CSF2RA: variants seen among roughly 807,000 people sequenced by gnomAD.
The protein encoded by CSF2RA is granulocyte-macrophage colony-stimulating factor receptor subunit alpha.
In CSF2RA, 42 loss-of-function variants were observed where a neutral mutation model predicts 51.6. The observed-to-expected ratio is 0.81, with a 90% CI of 0.64 to 1.05. CSF2RA has a LOEUF of 1.05. Among genes scored for constraint, CSF2RA ranks in the 50% least tolerant of loss-of-function variants. The pLI is 0.00. For synonymous variants in CSF2RA, 222 were observed against 193.0 expected (o/e 1.15, Z -1.24); for missense variants, 530 against 501.1 (o/e 1.06, Z -0.55).
Position 1,309,827 on chromosome X carries a change from G to A in CSF2RA, c.*348G>A. 2 of 609,156 alleles carry A rather than the reference G, an allele frequency of 3.3e-6. No individual in the cohort carries two copies. Among genetic ancestry groups the A allele is most frequent in the South Asian group, 2.0e-5 (1 of 50,820 alleles). 37.7% of individuals were successfully genotyped at this position (609,156 alleles called of 1,614,324 possible). A position where few individuals can be genotyped will look rare whatever the true frequency, so the allele number is the denominator to read the frequency against. On this transcript the variant is annotated 3_prime_UTR_variant, in exon 13 of 13. Transcript: ENST00000381529. The stretch of plus-strand genomic sequence containing the variant: ...TGCTTGAACCCGTGAGGCGGAGGTT[G>A]TAGTGAGCCAAGATCGCACCATTGC...
intron 8 of CSF2RA, among the ~76,000 whole-genome samples, chrX:1,294,716 G>T (rs1321841342): frequency 6.6e-6 from 1 of 151,996 alleles, no homozygotes; most frequent in Non-Finnish European, 1.5e-5. Context: ...AGTGGACCGG[G>T]AGGTGTGGGG....
At chrX:1,323,684 G>A in the CSF2RA span, among the ~76,000 whole-genome samples, 1 of 151,960 alleles carries the variant, frequency 6.6e-6, no homozygotes, top group Admixed American at 6.6e-5. Flanking sequence ...AGCAGTTTGA[G>A]GCTAGCCTGG....
intron 9 of CSF2RA, 104 bp downstream of exon 9, chrX:1,295,560 CAGT>C: frequency 2.3e-6 from 2 of 853,848 alleles, no homozygotes; most frequent in Non-Finnish European, 3.8e-6. Context: ...ATGACCCCTA[CAGT>C]CCCCTACCGA....
intron 9 of CSF2RA, among the ~76,000 whole-genome samples, chrX:1,299,392 TAA>T (rs1379598407): frequency 6.6e-6 from 1 of 152,212 alleles, no homozygotes; most frequent in African/African-American, 2.4e-5. Context: ...GAAGGTCTGT[TAA>T]TATCAGTTGT....
chrX:1,275,824 T>C (rs1465283721), intron 2 of CSF2RA, among the ~76,000 whole-genome samples: 2 of 151,440 alleles, frequency 1.3e-5, no homozygotes, highest in Non-Finnish European at 2.9e-5. Context: ...TCCCAAAGTG[T>C]TGGGATTACA....
chrX:1,314,257 C>T (rs1483070047), downstream of CSF2RA, among the ~76,000 whole-genome samples: 6 of 29,992 alleles, frequency 2.0e-4, no homozygotes, highest in East Asian at 2.2e-3. Context: ...TGCACCTGCC[C>T]AACCCCACTG....
At chrX:1,286,970 G>GT (rs1230460975) in intron 4 of CSF2RA, among the ~76,000 whole-genome samples, 2 of 151,934 alleles carry the variant, frequency 1.3e-5, no homozygotes, top group African/African-American at 4.8e-5. Context: ...GAAACACAGA[G>GT]AAAGGATAGA....
chrX:1,311,583 G>A (rs769618913), downstream of CSF2RA, among the ~76,000 whole-genome samples: 6 of 152,008 alleles, frequency 3.9e-5, no homozygotes, highest in South Asian at 6.2e-4. Context: ...ACAGGCGCCC[G>A]CCACCATTCC....
the CSF2RA span, among the ~76,000 whole-genome samples, chrX:1,323,827 A>T: frequency 6.6e-6 from 1 of 151,628 alleles, no homozygotes; most frequent in African/African-American, 2.4e-5. Context: ...ATCCTGGCTA[A>T]CACGGTGAAA....
At chrX:1,299,850 G>A (rs1425284167) in intron 9 of CSF2RA, among the ~76,000 whole-genome samples, 5 of 152,026 alleles carry the variant, frequency 3.3e-5, no homozygotes, top group African/African-American at 4.8e-5. Flanking sequence ...CCCGGGAAGC[G>A]GAGGTTGCGG....
intron 10 of CSF2RA, among the ~76,000 whole-genome samples, chrX:1,301,331 C>CAAAAAA (rs1156943650): frequency 3.8e-3 from 236 of 62,226 alleles, no homozygotes; most frequent in African/African-American, 5.3e-3. Flanking sequence ...GACTCTGTCT[C>CAAAAAA]AAAAAAAAAA....
chrX:1,292,167 G>C (rs774302456), intron 7 of CSF2RA, among the ~76,000 whole-genome samples: 1 of 151,800 alleles, frequency 6.6e-6, no homozygotes, highest in Non-Finnish European at 1.5e-5. Context: ...GTGTAGACAG[G>C]AGGAGACTGC....
chrX:1,279,363 A>T (rs28541727), intron 2 of CSF2RA, among the ~76,000 whole-genome samples: 77,503 of 139,662 alleles, frequency 0.55, 22,997 homozygotes, highest in Non-Finnish European at 0.69. Context: ...TAATAATAAT[A>T]ATTAATAATA....
At position 1,268,821 on chromosome X, in the gene CSF2RA, A is replaced by G. The variant is rs1477899043; in HGVS notation, c.-149A>G. ...GGAACTCTGAAGGGAGCTACTCAGA[A>G]GCGGGAGTCTCCGAGAGAAGAAAAG... On this transcript the variant is annotated 5_prime_UTR_variant, in exon 1 of 13. Coordinates refer to ENST00000381529, the MANE Select transcript of CSF2RA (RefSeq NM_172245.4). 1 of 454,186 alleles carries G rather than the reference A, an allele frequency of 2.2e-6. No homozygotes were observed. The highest frequency in any genetic ancestry group is 1.6e-5 in the South Asian group (1 of 64,482). The allele number at this position is 454,186 out of a possible 1,614,324, so 28.1% of individuals were successfully genotyped here. A position where few individuals can be genotyped will look rare whatever the true frequency, so the allele number is the denominator to read the frequency against.
chrX:1,309,058 A>G (rs1396298979), intron 12 of CSF2RA, among the ~76,000 whole-genome samples: 2 of 152,182 alleles, frequency 1.3e-5, no homozygotes, highest in African/African-American at 2.4e-5. Context: ...GTAAAACCCC[A>G]TCTCCACTGA....
chrX:1,277,387 G>C (rs2089317464), intron 2 of CSF2RA, among the ~76,000 whole-genome samples: 1 of 151,014 alleles, frequency 6.6e-6, no homozygotes, highest in African/African-American at 2.4e-5. Context: ...CACGAGGTCA[G>C]GAGTTCGAGA....
chrX:1,295,289 G>A (rs1301007130), intron 8 of CSF2RA, 138 bp from the exon 9 acceptor site: 1 of 1,054,700 alleles, frequency 9.5e-7, no homozygotes, highest in African/African-American at 1.6e-5. Flanking sequence ...CGGGGTTTGT[G>A]GAGGGAGACC....
intron 4 of CSF2RA, among the ~76,000 whole-genome samples, chrX:1,288,272 A>T (rs1465721525): frequency 6.7e-6 from 1 of 148,370 alleles, no homozygotes; most frequent in African/African-American, 2.4e-5. Flanking sequence ...ACCTGAGGTC[A>T]GGAGTTTGAG....
chrX:1,316,138 T>C, the CSF2RA span, among the ~76,000 whole-genome samples: 3 of 151,690 alleles, frequency 2.0e-5, no homozygotes, highest in East Asian at 1.9e-4. Flanking sequence ...GATACATAGA[T>C]AGATGATAGA....
Sources: allele counts gnomAD v4.1 joint callset (sites outside exome capture counted in the v4.1 genomes callset), GRCh38; gene constraint gnomAD v4.1.1; transcripts MANE v1.5; gene names NCBI Gene and HGNC (gene_info 2026-07-23, HGNC 2026-07-21).